The following ADCY8 variants were observed in gnomAD, a reference collection of about 807,000 sequenced individuals.
The protein encoded by ADCY8 is adenylate cyclase 8.
Under a neutral mutation model 119.7 loss-of-function variants are expected in ADCY8, and 51 were observed. The ratio of observed to expected loss-of-function variants is 0.43; its 90% CI spans 0.34 to 0.54. The LOEUF (loss-of-function observed/expected upper bound fraction) is 0.54, where lower values mean the gene tolerates loss of function less well. Among genes scored for constraint, ADCY8 ranks in the 20% least tolerant of loss-of-function variants. The pLI is 0.03. For missense variants in ADCY8, 1,383 were observed against 1,598.8 expected, an observed-to-expected ratio of 0.87 and a Z score of 2.30; for synonymous variants, 665 against 651.0, an observed-to-expected ratio of 1.02 and a Z score of -0.33.
At chr8:130,990,711 T>C (rs2130741786) in intron 1 of ADCY8, 169 bp from the exon 2 acceptor site, 4 of 805,696 alleles carry the variant, frequency 5.0e-6, no homozygotes, top group Admixed American at 6.3e-5. Flanking sequence ...GAGGCAAATG[T>C]CATCCCTTTG....
At chr8:130,976,478 C>T (rs1822075974) in intron 2 of ADCY8, among the ~76,000 whole-genome samples, 1 of 152,128 alleles carries the variant, frequency 6.6e-6, no homozygotes, top group Admixed American at 6.5e-5. Flanking sequence ...CCATAGATAC[C>T]TGATTATCCC....
intron 4 of ADCY8, among the ~76,000 whole-genome samples, chr8:130,940,064 T>A (rs556066140): frequency 3.3e-5 from 5 of 152,328 alleles, no homozygotes; most frequent in Admixed American, 3.3e-4. Context: ...GAGCTAATAG[T>A]CATTGAGCAT....
intron 9 of ADCY8, among the ~76,000 whole-genome samples, chr8:130,855,754 G>A (rs1483405027): frequency 1.3e-5 from 2 of 152,006 alleles, no homozygotes; most frequent in African/African-American, 2.4e-5. Context: ...ACTGTGAACC[G>A]TCAACTCTCT....
At chr8:130,858,896 G>GTA (rs920609566) in intron 9 of ADCY8, among the ~76,000 whole-genome samples, 1 of 145,634 alleles carries the variant, frequency 6.9e-6, no homozygotes, top group African/African-American at 2.6e-5. Flanking sequence ...CCATTATCAT[G>GTA]TATATGTGTG....
At chr8:130,791,023 A>G (rs1815407845) in intron 15 of ADCY8, among the ~76,000 whole-genome samples, 1 of 152,238 alleles carries the variant, frequency 6.6e-6, no homozygotes, top group Non-Finnish European at 1.5e-5. Context: ...GCCAACGGCT[A>G]GAACATGGTT....
At chr8:130,914,402 G>C (rs1820067778) in intron 5 of ADCY8, among the ~76,000 whole-genome samples, 2 of 152,152 alleles carry the variant, frequency 1.3e-5, no homozygotes, top group Admixed American at 1.3e-4. Flanking sequence ...TTAATGAAAA[G>C]ACATTTAGAT....
At chr8:130,842,455 CTTTTA>C (rs1309345263) in intron 11 of ADCY8, among the ~76,000 whole-genome samples, 2 of 152,042 alleles carry the variant, frequency 1.3e-5, no homozygotes, top group African/African-American at 4.8e-5. Context: ...CCCAGTACTG[CTTTTA>C]TTTTATTATT....
intron 15 of ADCY8, 113 bp from the exon 16 acceptor site, chr8:130,785,588 C>G (rs1815225779): frequency 1.7e-6 from 1 of 598,498 alleles, no homozygotes; most frequent in African/African-American, 1.9e-5. Context: ...GTTCAATATC[C>G]TCTAGTTATC....
At chr8:130,903,017 G>A (rs1189234067) in intron 7 of ADCY8, among the ~76,000 whole-genome samples, 1 of 152,080 alleles carries the variant, frequency 6.6e-6, no homozygotes, top group Non-Finnish European at 1.5e-5. Context: ...AGCATTCTGG[G>A]AGAACAGAAT....
chr8:130,871,099 A>C (rs953631737), intron 8 of ADCY8, among the ~76,000 whole-genome samples: 5 of 152,228 alleles, frequency 3.3e-5, no homozygotes, highest in African/African-American at 1.2e-4. Context: ...CTGGAAATGC[A>C]AGGAGAGCAG....
intron 8 of ADCY8, among the ~76,000 whole-genome samples, chr8:130,870,531 C>T (rs1028259102): frequency 6.6e-6 from 1 of 152,072 alleles, no homozygotes; most frequent in African/African-American, 2.4e-5. Flanking sequence ...TTTCTCTGGT[C>T]CTAAGCAGGG....
At chr8:130,855,377 T>G (rs1024487853) in intron 9 of ADCY8, among the ~76,000 whole-genome samples, 2 of 152,164 alleles carry the variant, frequency 1.3e-5, no homozygotes, top group Non-Finnish European at 2.9e-5. Flanking sequence ...ATATGGATTG[T>G]CTGGTCAGAG....
chr8:130,780,739 G>A lies in ADCY8; in HGVS notation c.3407C>T (p.Thr1136Ile). The A allele has an allele frequency of 6.2e-7, 1 of 1,614,184 alleles. No individual in the cohort carries two copies. The highest frequency in any genetic ancestry group is 8.5e-7 in the Non-Finnish European group (1 of 1,180,020). Residue 1136 changes from threonine (T) to isoleucine (I), a missense_variant, in exon 18 of 18, where the codon ACC (threonine) becomes ATC (isoleucine). By Grantham distance (89) the Thr-to-Ile change is moderately conservative (BLOSUM62 -1). Coordinates refer to ENST00000286355, the MANE Select transcript of ADCY8 (RefSeq NM_001115.3). Reference protein sequence around the residue: ...VSGRIQVPEETYLILKDQGFA... With the variant: ...VSGRIQVPEEIYLILKDQGFA... ...GCCCTGGTCCTTCAGGATGAGATAG[G>A]TCTCCTCTGGGACTTGGATCCGGCC...
chr8:131,021,191 A>G lies in ADCY8; in HGVS notation c.960+18183T>C, dbSNP rs570154009. Among the ~76,000 whole-genome samples the G allele has an allele frequency of 2.0e-5, 3 of 152,254 alleles. No individual in the cohort carries two copies. In the East Asian group the frequency reaches 5.8e-4, roughly 29 times the overall value. On this transcript the variant is annotated intron_variant, in intron 1 of 17. Transcript: ENST00000286355. ...AGGAGAACTAAAACAAAAGTAGAGT[A>G]TTTTCTATCACTTAAAAAAAATCTA... is the stretch of plus-strand genomic sequence containing the variant.
At chr8:130,999,529 T>C (rs1822880169) in intron 1 of ADCY8, among the ~76,000 whole-genome samples, 1 of 152,138 alleles carries the variant, frequency 6.6e-6, no homozygotes. Context: ...GATATCTCCC[T>C]GGGGTGTCCT....
At chr8:131,034,631 A>G (rs772949209) in intron 1 of ADCY8, among the ~76,000 whole-genome samples, 11 of 152,162 alleles carry the variant, frequency 7.2e-5, no homozygotes, top group Non-Finnish European at 1.6e-4. Flanking sequence ...TAAATCTGAC[A>G]GCATGACCTT....
chr8:130,861,000 G>T (rs538852267), intron 9 of ADCY8, among the ~76,000 whole-genome samples: 1 of 152,264 alleles, frequency 6.6e-6, no homozygotes. Context: ...TAACATCTTT[G>T]CTACAAATCA....
intron 3 of ADCY8, among the ~76,000 whole-genome samples, chr8:130,950,259 G>C (rs1261415999): frequency 2.0e-5 from 3 of 152,220 alleles, no homozygotes; most frequent in African/African-American, 7.2e-5. Flanking sequence ...GAAAATGCCA[G>C]AGACTTGCTT....
At chr8:130,921,351 TCTA>T (rs1167047950) in intron 5 of ADCY8, among the ~76,000 whole-genome samples, 3 of 152,134 alleles carry the variant, frequency 2.0e-5, no homozygotes, top group African/African-American at 7.2e-5. Flanking sequence ...ATGTGTGTAT[TCTA>T]CTATGTATAC....
Sources: gnomAD v4.1 joint callset for allele counts (sites outside exome capture counted in the v4.1 genomes callset) on GRCh38, gnomAD v4.1.1 for gene constraint, MANE v1.5 for transcripts, NCBI Gene and HGNC (gene_info 2026-07-23, HGNC 2026-07-21) for gene names.